The following RAD51B variants were observed in gnomAD, a reference collection of about 807,000 sequenced individuals.
The protein encoded by RAD51B is RAD51 paralog B.
In RAD51B, 38 loss-of-function variants were observed where a neutral mutation model predicts 42.2. The observed-to-expected ratio is 0.90, with a 90% confidence interval of 0.70 to 1.18. The LOEUF is 1.18. RAD51B is among the 50% of genes most tolerant of loss of function. The pLI is 0.00. For synonymous variants in RAD51B, 154 were observed against 145.2 expected, an observed-to-expected ratio of 1.06 and a Z score of -0.43; for missense variants, 373 against 400.7, an observed-to-expected ratio of 0.93 and a Z score of 0.59.
At chr14:68,315,538 T>C (rs909797440) in intron 8 of RAD51B, among the ~76,000 whole-genome samples, 4 of 152,196 alleles carry the variant, frequency 2.6e-5, no homozygotes, top group Non-Finnish European at 4.4e-5. Flanking sequence ...TTTTCTTTTT[T>C]TGAGACAGAG....
intron 7 of RAD51B, among the ~76,000 whole-genome samples, chr14:68,026,100 T>A (rs2075952558): frequency 6.6e-6 from 1 of 152,194 alleles, no homozygotes; most frequent in African/African-American, 2.4e-5. Context: ...ATTTTGATGT[T>A]CACCCAGGAC....
At chr14:68,366,349 C>T (rs1040068049) in intron 8 of RAD51B, among the ~76,000 whole-genome samples, 1 of 152,194 alleles carries the variant, frequency 6.6e-6, no homozygotes, top group Non-Finnish European at 1.5e-5. Context: ...GTGTACCAGT[C>T]GTAGCTAAAG....
At chr14:68,589,279 CAA>C (rs760964223) in intron 10 of RAD51B, among the ~76,000 whole-genome samples, 1 of 152,186 alleles carries the variant, frequency 6.6e-6, no homozygotes, top group Non-Finnish European at 1.5e-5. Flanking sequence ...AAATTACAAA[CAA>C]GAGAGTGGCC....
chr14:68,291,879 C>A lies in RAD51B; in HGVS notation c.757-5C>A, dbSNP rs761518344. 1.2e-6 allele frequency: 2 copies of A among 1,609,502 alleles called. No homozygotes were observed. Among genetic ancestry groups the A allele is most frequent in the African/African-American group, 1.3e-5 (1 of 74,688 alleles). On this transcript the variant is annotated splice_region_variant and splice_polypyrimidine_tract_variant and intron_variant, in intron 7 of 10. Transcript: ENST00000471583. ...CCCCTACCCCTTCTCCCTGTCTGTTCACAGGTTATCTTGACGAATCAGATT... is the reference window on the plus strand; with the variant it reads ...CCCCTACCCCTTCTCCCTGTCTGTTAACAGGTTATCTTGACGAATCAGATT...
rs530152513 is a variant in RAD51B at position 68,585,135 on chromosome 14, A to G, written c.1037-9350A>G. ...CATTTTCTGGCAGGACACAGCCCAG[A>G]GAGGTGCATTCCCACCTCTGTGTAC... On this transcript the variant is annotated intron_variant, in intron 10 of 10. Coordinates refer to the RAD51B transcript ENST00000487270. Among the ~76,000 whole-genome samples, 5 of 152,318 alleles carry G rather than the reference A, an allele frequency of 3.3e-5. No individual in the cohort carries two copies. In the South Asian group the frequency reaches 1.0e-3, roughly 32 times the overall value.
chr14:67,928,817 A>G (rs911027803), intron 7 of RAD51B, among the ~76,000 whole-genome samples: 3 of 151,596 alleles, frequency 2.0e-5, no homozygotes, highest in Non-Finnish European at 4.4e-5. Context: ...TACCTGCCTA[A>G]AAATTATTTC....
chr14:68,624,990 G>A (rs1892043292), intron 10 of RAD51B, among the ~76,000 whole-genome samples: 1 of 152,156 alleles, frequency 6.6e-6, no homozygotes, highest in Admixed American at 6.5e-5. Context: ...ACAACCCTGA[G>A]ATGAAGAACT....
At position 68,601,407 on chromosome 14, in the gene RAD51B, C is replaced by T. The variant is rs113074123; in HGVS notation, c.1037-9599C>T. On this transcript the variant is annotated intron_variant, in intron 10 of 10. Coordinates refer to the RAD51B transcript ENST00000487861. ...TTCATGTCGGCTATAGTTTCCATGC[C>T]TATAAACAGAATGATGATACCTGCC... Among the ~76,000 whole-genome samples, 144 of 152,246 alleles carry T rather than the reference C, an allele frequency of 9.5e-4. 3 individuals are homozygous for T. The highest frequency in any genetic ancestry group is 3.1e-3 in the African/African-American group (127 of 41,538).
At chr14:67,838,037 A>G (rs1020262666) in intron 4 of RAD51B, among the ~76,000 whole-genome samples, 2 of 152,214 alleles carry the variant, frequency 1.3e-5, no homozygotes, top group South Asian at 2.1e-4. Flanking sequence ...GAGTGAGAAC[A>G]TGCAAGGTTT....
intron 10 of RAD51B, among the ~76,000 whole-genome samples, chr14:68,569,058 G>T (rs1889563505): frequency 6.6e-6 from 1 of 152,126 alleles, no homozygotes; most frequent in Admixed American, 6.5e-5. Flanking sequence ...AAACAGCTGA[G>T]GCCCAATGTT....
intron 7 of RAD51B, among the ~76,000 whole-genome samples, chr14:68,006,697 C>T (rs1303695395): frequency 2.0e-5 from 3 of 151,922 alleles, no homozygotes; most frequent in Admixed American, 1.3e-4. Flanking sequence ...TATATTTACC[C>T]AATTTTTTAT....
chr14:68,270,311 A>C (rs1326229248), intron 7 of RAD51B, among the ~76,000 whole-genome samples: 1 of 152,248 alleles, frequency 6.6e-6, no homozygotes, highest in Non-Finnish European at 1.5e-5. Context: ...AAGCACCAAA[A>C]TTCAGTGTCT....
chr14:68,286,850 T>C (rs1595662695), intron 7 of RAD51B, among the ~76,000 whole-genome samples: 1 of 152,384 alleles, frequency 6.6e-6, no homozygotes, highest in South Asian at 2.1e-4. Context: ...GCACATAGAC[T>C]GGCAGAGAGT....
intron 8 of RAD51B, among the ~76,000 whole-genome samples, chr14:68,409,215 C>G (rs1406799966): frequency 6.6e-6 from 1 of 152,130 alleles, no homozygotes; most frequent in African/African-American, 2.4e-5. Context: ...AATATAGTTG[C>G]TATTGCCCTT....
At chr14:68,147,909 C>G (rs2078287367) in intron 7 of RAD51B, among the ~76,000 whole-genome samples, 1 of 152,034 alleles carries the variant, frequency 6.6e-6, no homozygotes, top group Non-Finnish European at 1.5e-5. Flanking sequence ...ATTAGATCAT[C>G]ACCACACTCA....
At chr14:68,087,610 A>G (rs1292277266) in intron 7 of RAD51B, among the ~76,000 whole-genome samples, 5 of 151,840 alleles carry the variant, frequency 3.3e-5, no homozygotes, top group Admixed American at 1.3e-4. Flanking sequence ...ATCTGGCTCC[A>G]TCGGTGATTG....
At chr14:67,864,908 C>A in intron 4 of RAD51B, 95 bp from the exon 5 acceptor site, 1 of 1,413,326 alleles carries the variant, frequency 7.1e-7, no homozygotes, top group Non-Finnish European at 9.3e-7. Context: ...GCATATATGG[C>A]AAAGTCTTAA....
At chr14:68,467,394 C>A (rs2086012154) in intron 9 of RAD51B, among the ~76,000 whole-genome samples, 1 of 152,256 alleles carries the variant, frequency 6.6e-6, no homozygotes, top group Non-Finnish European at 1.5e-5. Flanking sequence ...TGATATTTAA[C>A]TTGTGTATCT....
intron 7 of RAD51B, among the ~76,000 whole-genome samples, chr14:68,086,299 G>T (rs1385815650): frequency 6.6e-6 from 1 of 152,092 alleles, no homozygotes; most frequent in Non-Finnish European, 1.5e-5. Context: ...CGTTCCTCTC[G>T]CTGTCCAGCT....
Sources: allele counts gnomAD v4.1 joint callset (sites outside exome capture counted in the v4.1 genomes callset), GRCh38; gene constraint gnomAD v4.1.1; transcripts MANE v1.5; gene names NCBI Gene and HGNC (gene_info 2026-07-23, HGNC 2026-07-21).